The following PARPBP variants were observed in gnomAD, a reference collection of about 807,000 sequenced individuals.
The protein encoded by PARPBP is PARP1 binding protein, also known as PCNA-interacting partner.
A neutral mutation model predicts 50.0 loss-of-function variants in PARPBP; 52 were observed. The ratio of observed to expected loss-of-function variants is 1.04; its 90% CI spans 0.83 to 1.31. PARPBP has a LOEUF of 1.31. Ranked by LOEUF, PARPBP falls within the 50% of genes most tolerant of loss-of-function variation. PARPBP has a pLI of 0.00. For missense variants in PARPBP, 697 were observed against 672.0 expected (o/e 1.04, Z -0.41); for synonymous variants, 244 against 232.1 (o/e 1.05, Z -0.47).
rs773744775 is a variant in PARPBP at position 102,148,329 on chromosome 12, A to G, written c.253A>G (p.Thr85Ala). The change falls in exon 3 of 11, where the codon ACT becomes GCT. Residue 85 changes from threonine to alanine, a missense_variant. Coordinates refer to ENST00000327680, the MANE Select transcript of PARPBP (RefSeq NM_017915.5). ...LNLPVENMDV[T>A]DHYEDVRKIY... ...CTTACCAGTTGAAAACATGGACGTGACTGACCATTATGAGGACGTTAGGAA... is the reference window on the plus strand; with the variant it reads ...CTTACCAGTTGAAAACATGGACGTGGCTGACCATTATGAGGACGTTAGGAA... 5 of 1,598,298 alleles carry G rather than the reference A, an allele frequency of 3.1e-6. No homozygotes were observed. In the African/African-American group the frequency reaches 5.4e-5, roughly 17 times the overall value.
At position 102,132,337 on chromosome 12, in the gene PARPBP, G is replaced by A. The variant is rs114253854; in HGVS notation, c.153+8296G>A. Among the ~76,000 whole-genome samples, 968 of 151,960 alleles carry A rather than the reference G, an allele frequency of 6.4e-3. 11 individuals carry two copies. The highest frequency in any genetic ancestry group is 0.023 in the African/African-American group (943 of 41,462). On this transcript the variant is annotated intron_variant, in intron 2 of 10. Coordinates refer to ENST00000327680, the MANE Select transcript of PARPBP (RefSeq NM_017915.5). ...AAAAATCCATTTTGAGTTGATTTTT[G>A]TAAAAGGGATAAGGGTCTAATTTCA...
At chr12:102,138,035 G>A (rs1883939798) in intron 2 of PARPBP, among the ~76,000 whole-genome samples, 1 of 152,198 alleles carries the variant, frequency 6.6e-6, no homozygotes, top group African/African-American at 2.4e-5. Context: ...TGGGATGGCT[G>A]GGTCAAATGG....
At chr12:102,155,091 C>T (rs1886695924) in intron 4 of PARPBP, 1 of 247,902 alleles carries the variant, frequency 4.0e-6, no homozygotes, top group Non-Finnish European at 8.0e-6. Flanking sequence ...AGGTGTCCCA[C>T]CTTTCCAGGC....
chr12:102,137,275 C>T (rs1883786694), intron 2 of PARPBP, among the ~76,000 whole-genome samples: 2 of 152,108 alleles, frequency 1.3e-5, no homozygotes, highest in Admixed American at 1.3e-4. Context: ...AGTTTGAGAA[C>T]ATGAGTCTTA....
At chr12:102,172,571 C>G (rs1888863151) in intron 6 of PARPBP, among the ~76,000 whole-genome samples, 1 of 152,164 alleles carries the variant, frequency 6.6e-6, no homozygotes, top group African/African-American at 2.4e-5. Flanking sequence ...CAGAGCACTA[C>G]TGTTTGGGGT....
chr12:102,146,179 C>T (rs11111178), intron 2 of PARPBP, among the ~76,000 whole-genome samples: 19,143 of 152,122 alleles, frequency 0.13, 1,550 homozygotes, highest in Non-Finnish European at 0.18. Flanking sequence ...CCCATCAAGC[C>T]ACCAATGGCT....
chr12:102,138,401 A>G (rs1884009294), intron 2 of PARPBP, among the ~76,000 whole-genome samples: 1 of 151,976 alleles, frequency 6.6e-6, no homozygotes, highest in Admixed American at 6.6e-5. Context: ...AGATTCTGGA[A>G]TTAGCCCTTT....
chr12:102,155,264 C>T (rs1295563847), intron 4 of PARPBP: 1 of 152,948 alleles, frequency 6.5e-6, no homozygotes, highest in East Asian at 1.9e-4. Context: ...GCCTGAGTGA[C>T]AGAGGAAGAC....
intron 9 of PARPBP, among the ~76,000 whole-genome samples, chr12:102,192,905 C>T (rs532058537): frequency 6.6e-6 from 1 of 151,734 alleles, no homozygotes; most frequent in East Asian, 1.9e-4. Flanking sequence ...TGCATATAAT[C>T]CTTTATGAAA....
intron 9 of PARPBP, among the ~76,000 whole-genome samples, chr12:102,186,443 T>A (rs1890311081): frequency 6.6e-6 from 1 of 152,100 alleles, no homozygotes; most frequent in Admixed American, 6.5e-5. Context: ...TGTTTTTGGA[T>A]GTAGGTGCTC....
At chr12:102,147,697 C>T (rs1453263396) in intron 2 of PARPBP, among the ~76,000 whole-genome samples, 1 of 151,718 alleles carries the variant, frequency 6.6e-6, no homozygotes, top group Non-Finnish European at 1.5e-5. Flanking sequence ...CACATGTACC[C>T]TAAAACTTAA....
chr12:102,171,247 C>G (rs1294066161), intron 6 of PARPBP, among the ~76,000 whole-genome samples: 1 of 151,220 alleles, frequency 6.6e-6, no homozygotes, highest in East Asian at 1.9e-4. Context: ...TTATAATGAC[C>G]AAGTATTATG....
At chr12:102,153,800 G>A in intron 3 of PARPBP, 69 bp from the exon 4 acceptor site, 3 of 819,804 alleles carry the variant, frequency 3.7e-6, no homozygotes, top group South Asian at 1.4e-5. Context: ...ACACTGAGTA[G>A]AGCTTTATGT....
At chr12:102,156,463 A>T (rs1886957911) in intron 4 of PARPBP, among the ~76,000 whole-genome samples, 1 of 151,708 alleles carries the variant, frequency 6.6e-6, no homozygotes, top group African/African-American at 2.4e-5. Context: ...AAGTGCTGGG[A>T]TTACAGGTGT....
intron 5 of PARPBP, 158 bp downstream of exon 5, chr12:102,164,766 G>A (rs937954): frequency 6.1e-6 from 4 of 658,410 alleles, no homozygotes; most frequent in African/African-American, 1.8e-5. Flanking sequence ...TTACCATATC[G>A]TTCAAGTTTG....
intron 9 of PARPBP, among the ~76,000 whole-genome samples, chr12:102,187,471 C>G (rs1012240861): frequency 2.6e-5 from 4 of 152,094 alleles, no homozygotes; most frequent in African/African-American, 9.7e-5. Context: ...GGCTCTAGTT[C>G]TATCTACTGA....
chr12:102,121,543 C>A (rs1881082143), intron 1 of PARPBP, among the ~76,000 whole-genome samples: 1 of 124,052 alleles, frequency 8.1e-6, no homozygotes, highest in African/African-American at 3.2e-5. Flanking sequence ...CATAGTAATG[C>A]TCTTTTTTTT....
intron 7 of PARPBP, among the ~76,000 whole-genome samples, chr12:102,176,108 G>A (rs183105746): frequency 2.8e-4 from 42 of 151,574 alleles, no homozygotes; most frequent in African/African-American, 7.0e-4. Flanking sequence ...TCAGCCTCCC[G>A]AGTAGCTGGA....
chr12:102,122,523 G>A (rs1044563350), intron 1 of PARPBP, among the ~76,000 whole-genome samples: 2 of 152,162 alleles, frequency 1.3e-5, no homozygotes, highest in Admixed American at 1.3e-4. Flanking sequence ...ATAAGATGAT[G>A]GGCATGTGAG....
Sources: allele counts gnomAD v4.1 joint callset (sites outside exome capture counted in the v4.1 genomes callset), GRCh38; gene constraint gnomAD v4.1.1; transcripts MANE v1.5; gene names NCBI Gene and HGNC (gene_info 2026-07-23, HGNC 2026-07-21).